Variants in SPAG9 observed in about 807,000 individuals in gnomAD.
The protein encoded by SPAG9 is C-Jun-amino-terminal kinase-interacting protein 4.
A neutral mutation model predicts 166.5 loss-of-function variants in SPAG9; 35 were observed. The observed-to-expected ratio is 0.21, with a 90% CI of 0.16 to 0.28. SPAG9 has a LOEUF of 0.28. Among genes scored for constraint, SPAG9 ranks in the 10% least tolerant of loss-of-function variants. The pLI is 1.00. For synonymous variants in SPAG9, 534 were observed against 565.5 expected (o/e 0.94, Z 0.79); for missense variants, 1,235 against 1,603.3 (o/e 0.77, Z 3.92).
chr17:51,044,140 T>C (rs1043850872), intron 4 of SPAG9, among the ~76,000 whole-genome samples: 1 of 152,210 alleles, frequency 6.6e-6, no homozygotes, highest in African/African-American at 2.4e-5. Flanking sequence ...ACTCCTCCCC[T>C]TACTTTACTT....
chr17:50,989,566 C>A (rs997019740), intron 21 of SPAG9, 111 bp downstream of exon 21: 11 of 843,936 alleles, frequency 1.3e-5, no homozygotes, highest in Admixed American at 2.0e-5. Flanking sequence ...ATCTTTTAAT[C>A]CACCACAGTG....
intron 1 of SPAG9, among the ~76,000 whole-genome samples, chr17:51,117,655 G>A (rs2144808135): frequency 7.7e-6 from 1 of 130,122 alleles, no homozygotes; most frequent in Non-Finnish European, 1.6e-5. Flanking sequence ...GCTGCAGTGA[G>A]TCAAGATTGT....
At chr17:51,102,453 A>T (rs532343935) in intron 1 of SPAG9, among the ~76,000 whole-genome samples, 1 of 151,882 alleles carries the variant, frequency 6.6e-6, no homozygotes, top group East Asian at 1.9e-4. Flanking sequence ...AACATAAGAG[A>T]AGAAACGAAG....
In SPAG9 at chr17:50,990,456, G is replaced by C; in HGVS notation, c.2611C>G (p.Pro871Ala). The C allele has an allele frequency of 6.2e-7, 1 of 1,612,280 alleles. No homozygotes were observed. Among genetic ancestry groups the C allele is most frequent in the Non-Finnish European group, 8.5e-7 (1 of 1,178,272 alleles). The change falls in exon 20 of 30, where the codon CCA (proline) becomes GCA (alanine). Residue 871 changes from proline to alanine, a missense_variant. Coordinates refer to ENST00000262013, the MANE Select transcript of SPAG9 (RefSeq NM_001130528.3). ...TNGASPVMDK[P>A]PEMEAENSEV... is the part of the protein sequence containing the mutation. The stretch of plus-strand genomic sequence containing the variant: ...GTAAAGAGAATGGATATACCTGGTG[G>C]TTTATCCATCACTGGAGAAGCACCA...
intron 1 of SPAG9, among the ~76,000 whole-genome samples, chr17:51,090,983 G>C (rs1478895346): frequency 6.6e-6 from 1 of 152,124 alleles, no homozygotes; most frequent in Non-Finnish European, 1.5e-5. Flanking sequence ...GCACAGGCCA[G>C]GCACGGTGGC....
intron 2 of SPAG9, among the ~76,000 whole-genome samples, chr17:51,068,213 A>G (rs2047728031): frequency 6.6e-6 from 1 of 152,206 alleles, no homozygotes; most frequent in Non-Finnish European, 1.5e-5. Flanking sequence ...ACAGGTAAGC[A>G]AGGCTGACTT....
At chr17:51,077,477 T>A (rs1038665157) in intron 2 of SPAG9, among the ~76,000 whole-genome samples, 1 of 152,120 alleles carries the variant, frequency 6.6e-6, no homozygotes, top group Non-Finnish European at 1.5e-5. Flanking sequence ...TTACCTCCAA[T>A]AGTTAAATTT....
rs1351002612 is a variant in SPAG9, at chr17:51,079,641, A to T, written c.367T>A (p.Ser123Thr). The change falls in exon 2 of 30, where the codon TCT becomes ACT. Residue 123 changes from serine to threonine, a missense_variant. This residue lies in a region of SPAG9 where 288 missense variants were observed against 323.7 expected (regional missense o/e 0.89). Transcript: ENST00000262013. ...EKKDLQTRVE[S>T]LESQTRQLEL... is the part of the protein sequence containing the mutation. ...AGTTGTCTTGTTTGAGATTCTAAAGATTCCACTCGGGTCTGTAAGTCCTTT... is the reference window on the plus strand; with the variant it reads ...AGTTGTCTTGTTTGAGATTCTAAAGTTTCCACTCGGGTCTGTAAGTCCTTT... 2.5e-6 allele frequency: 4 copies of T among 1,612,726 alleles called. No individual in the cohort carries two copies. Among genetic ancestry groups the T allele is most frequent in the Non-Finnish European group, 3.4e-6 (4 of 1,178,872 alleles).
intron 29 of SPAG9, among the ~76,000 whole-genome samples, chr17:50,969,842 C>T (rs887131510): frequency 2.6e-5 from 4 of 152,104 alleles, no homozygotes; most frequent in African/African-American, 9.7e-5. Flanking sequence ...TTCCTTCTCT[C>T]CCTACCCTTG....
chr17:51,071,987 A>G (rs2047832190), intron 2 of SPAG9, among the ~76,000 whole-genome samples: 1 of 152,234 alleles, frequency 6.6e-6, no homozygotes, highest in Non-Finnish European at 1.5e-5. Context: ...CACTACAGGT[A>G]CTGCGAACAG....
rs1973355209 is a variant in SPAG9, at chr17:50,966,244, T to G, written c.*28A>C. The G allele has an allele frequency of 2.3e-6, 3 of 1,308,138 alleles. No homozygotes were observed. The highest frequency in any genetic ancestry group is 3.3e-6 in the Non-Finnish European group (3 of 901,322). 81.0% of individuals were successfully genotyped at this position (1,308,138 alleles called of 1,614,324 possible). ...AATAAACCATGCAGAAGAGACGGCTTCCCCATCTCCACCTGTTTCCCATGG... is the reference window on the plus strand; with the variant it reads ...AATAAACCATGCAGAAGAGACGGCTGCCCCATCTCCACCTGTTTCCCATGG... On this transcript the variant is annotated 3_prime_UTR_variant, in exon 30 of 30. Coordinates refer to ENST00000262013, the MANE Select transcript of SPAG9 (RefSeq NM_001130528.3).
At chr17:51,104,802 G>A (rs1476574908) in intron 1 of SPAG9, among the ~76,000 whole-genome samples, 21 of 151,382 alleles carry the variant, frequency 1.4e-4, no homozygotes, top group Admixed American at 7.3e-4. Flanking sequence ...GCGTGGTAGC[G>A]GGCGCCTGTA....
Position 51,057,198 on chromosome 17 carries a change from G to C in SPAG9, c.425-716C>G, listed in dbSNP as rs543062449. On this transcript the variant is annotated intron_variant, in intron 2 of 29. Transcript: ENST00000262013. Reference sequence around the variant, plus strand: ...GAGCATTCCTGACACTGTTACCACAGAGAAGGGAACACAAAACCATGCCTG... The same window carrying C: ...GAGCATTCCTGACACTGTTACCACACAGAAGGGAACACAAAACCATGCCTG... Among the ~76,000 whole-genome samples, 3 of 152,296 alleles carry C rather than the reference G, an allele frequency of 2.0e-5. No individual in the cohort carries two copies. The East Asian group carries it at 5.8e-4, about 29-fold the overall frequency.
At chr17:51,013,135 T>C (rs569107262) in intron 9 of SPAG9, among the ~76,000 whole-genome samples, 31 of 152,312 alleles carry the variant, frequency 2.0e-4, no homozygotes, top group African/African-American at 7.5e-4. Context: ...ATGCAAGCAA[T>C]GTCACTCCAC....
At chr17:51,104,950 G>T (rs1347795862) in intron 1 of SPAG9, among the ~76,000 whole-genome samples, 1 of 117,516 alleles carries the variant, frequency 8.5e-6, no homozygotes, top group East Asian at 2.3e-4. Context: ...AAAAAAATTA[G>T]CTGGGTGTGG....
chr17:50,994,435 T>C (rs1975894221), intron 18 of SPAG9, among the ~76,000 whole-genome samples: 2 of 152,124 alleles, frequency 1.3e-5, no homozygotes, highest in African/African-American at 4.8e-5. Flanking sequence ...CAACCACCTA[T>C]CAATATTAAT....
chr17:51,113,635 G>A (rs545957810), intron 1 of SPAG9, among the ~76,000 whole-genome samples: 43 of 147,432 alleles, frequency 2.9e-4, no homozygotes, highest in Non-Finnish European at 4.8e-4. Flanking sequence ...AGCCAAGATC[G>A]CGCTACTGCA....
chr17:51,111,619 T>G (rs1444275606), intron 1 of SPAG9, among the ~76,000 whole-genome samples: 1 of 152,184 alleles, frequency 6.6e-6, no homozygotes, highest in East Asian at 1.9e-4. Context: ...TTTTTTCTTT[T>G]GAAGACACAG....
intron 19 of SPAG9, among the ~76,000 whole-genome samples, chr17:50,993,139 AC>A (rs1427460480): frequency 6.7e-6 from 1 of 150,118 alleles, no homozygotes. Flanking sequence ...ACATGGTAAA[AC>A]CCCGTCTCTA....
Sources: allele counts gnomAD v4.1 joint callset (sites outside exome capture counted in the v4.1 genomes callset), GRCh38; gene constraint gnomAD v4.1.1; regional missense constraint gnomAD v4.1.1; transcripts MANE v1.5; gene names NCBI Gene and HGNC (gene_info 2026-07-23, HGNC 2026-07-21).